ABCA13: variants seen among roughly 807,000 people sequenced by gnomAD.
ABCA13 encodes the protein ATP-binding cassette sub-family A member 13.
Under a neutral mutation model 478.7 loss-of-function variants are expected in ABCA13, and 476 were observed. That is an observed-to-expected ratio of 0.99 (90% CI 0.92 to 1.07). ABCA13 has a LOEUF of 1.07. ABCA13 is among the 50% of genes least tolerant of loss of function. ABCA13 has a pLI of 0.00. For synonymous variants in ABCA13, 2,252 were observed against 2,158.9 expected, an observed-to-expected ratio of 1.04 and a Z score of -1.20; for missense variants, 6,060 against 5,910.6, an observed-to-expected ratio of 1.03 and a Z score of -0.83.
At chr7:48,182,912 TG>T in intron 1 of ABCA13, among the ~76,000 whole-genome samples, 1 of 152,340 alleles carries the variant, frequency 6.6e-6, no homozygotes, top group East Asian at 1.9e-4. Context: ...CATTGGGCTG[TG>T]TTTTCCTGCA....
chr7:48,584,431 T>C (rs1355935293), intron 56 of ABCA13, among the ~76,000 whole-genome samples: 3 of 152,222 alleles, frequency 2.0e-5, no homozygotes, highest in Non-Finnish European at 4.4e-5. Context: ...GTTTGCACGC[T>C]CTCTCCATGG....
At chr7:48,174,336 T>G (rs1794556422) in intron 1 of ABCA13, among the ~76,000 whole-genome samples, 1 of 152,208 alleles carries the variant, frequency 6.6e-6, no homozygotes, top group African/African-American at 2.4e-5. Context: ...TAGATGTACA[T>G]AGTGTCAGCA....
intron 45 of ABCA13, among the ~76,000 whole-genome samples, chr7:48,473,569 A>G (rs777481789): frequency 2.0e-4 from 30 of 152,198 alleles, no homozygotes; most frequent in Non-Finnish European, 3.2e-4. Flanking sequence ...AGAAAAAAGA[A>G]TGAATCAGGA....
chr7:48,245,150 T>A (rs1791477994), intron 11 of ABCA13, among the ~76,000 whole-genome samples: 1 of 152,200 alleles, frequency 6.6e-6, no homozygotes, highest in African/African-American at 2.4e-5. Context: ...CAGAATGCCC[T>A]TCTTTGAACT....
At chr7:48,590,586 A>G (rs928102549) in intron 57 of ABCA13, among the ~76,000 whole-genome samples, 2 of 152,106 alleles carry the variant, frequency 1.3e-5, no homozygotes, top group Non-Finnish European at 2.9e-5. Context: ...ATATGTGTAC[A>G]TTTACATTTC....
intron 58 of ABCA13, among the ~76,000 whole-genome samples, chr7:48,613,390 A>T (rs1373198527): frequency 2.0e-5 from 3 of 151,964 alleles, no homozygotes; most frequent in East Asian, 3.9e-4. Context: ...GGGTTTCATC[A>T]TGTTGGCTAG....
Position 48,273,715 on chromosome 7 carries a change from T to A in ABCA13, c.4049T>A (p.Phe1350Tyr). The change falls in exon 17 of 62, where the codon TTC becomes TAC. Residue 1350 changes from phenylalanine (F) to tyrosine (Y), a missense_variant. Around this residue, in one of 3 missense-constraint regions of ABCA13, gnomAD observed 4,423 missense variants for 4,309.1 expected, o/e 1.03. Coordinates refer to ENST00000435803, the MANE Select transcript of ABCA13 (RefSeq NM_152701.5). ...DRDLFSCADI[F>Y]QNVTECILED... ...GATTTGTTTTCCTGTGCTGATATTT[T>A]CCAAAATGTTACTGAGTGTATTTTA... is the stretch of plus-strand genomic sequence containing the variant. 6.2e-7 allele frequency: 1 copy of A among 1,608,912 alleles called. No individual in the cohort carries two copies. The highest frequency in any genetic ancestry group is 8.5e-7 in the Non-Finnish European group (1 of 1,177,202).
chr7:48,488,295 T>C (rs1045015292), intron 47 of ABCA13, among the ~76,000 whole-genome samples: 1 of 151,892 alleles, frequency 6.6e-6, no homozygotes, highest in African/African-American at 2.4e-5. Context: ...ATTACTTAGC[T>C]GTTTCCACAA....
In ABCA13 at chr7:48,426,331, T is replaced by C. The variant is rs117862578; in HGVS notation, c.12460-1435T>C. 1.4e-4 allele frequency among the ~76,000 whole-genome samples: 22 copies of C among 152,330 alleles called. No individual in the cohort carries two copies. The East Asian group carries it at 3.9e-3, about 27-fold the overall frequency. The stretch of plus-strand genomic sequence containing the variant: ...AACTAATTAACCACGTGCGGAGATA[T>C]TGCATGCCTCTCCTGAAGGCTTGCT... On this transcript the variant is annotated intron_variant, in intron 41 of 61. Coordinates refer to ENST00000435803, the MANE Select transcript of ABCA13 (RefSeq NM_152701.5).
chr7:48,626,288 G>A (rs977280788), intron 59 of ABCA13, among the ~76,000 whole-genome samples: 1 of 152,154 alleles, frequency 6.6e-6, no homozygotes, highest in Admixed American at 6.5e-5. Flanking sequence ...TTTAGGGGAA[G>A]GATTGGCACA....
At chr7:48,571,399 G>T (rs1289990488) in intron 55 of ABCA13, among the ~76,000 whole-genome samples, 1 of 151,984 alleles carries the variant, frequency 6.6e-6, no homozygotes. Context: ...TTTTTGTTGA[G>T]CTGTGAATAT....
At position 48,615,393 on chromosome 7, in the gene ABCA13, C is replaced by T. The variant is rs1473430999; in HGVS notation, c.14837+16C>T. 3.9e-6 allele frequency: 6 copies of T among 1,549,518 alleles called. No individual in the cohort carries two copies. Among genetic ancestry groups the T allele is most frequent in the African/African-American group, 2.7e-5 (2 of 73,250 alleles). The stretch of plus-strand genomic sequence containing the variant: ...TCAAAAATAGGTGCGTTGAAGTTCT[C>T]CTTTTGCTTAGATATTTACTATGAA... On this transcript the variant is annotated intron_variant, in intron 59 of 61. Transcript: ENST00000435803.
intron 31 of ABCA13, among the ~76,000 whole-genome samples, chr7:48,358,388 G>A (rs1455063542): frequency 1.3e-5 from 2 of 151,704 alleles, no homozygotes; most frequent in Non-Finnish European, 2.9e-5. Context: ...TAACAGTGGG[G>A]ACCAGTGTAT....
intron 58 of ABCA13, among the ~76,000 whole-genome samples, chr7:48,610,639 G>A (rs1356144482): frequency 6.6e-6 from 1 of 152,208 alleles, no homozygotes; most frequent in Non-Finnish European, 1.5e-5. Context: ...GCAGACTTCT[G>A]TTTGGACAGC....
intron 55 of ABCA13, among the ~76,000 whole-genome samples, chr7:48,548,537 G>A (rs939127854): frequency 4.8e-5 from 7 of 144,884 alleles, no homozygotes; most frequent in Non-Finnish European, 1.1e-4. Flanking sequence ...AAAAACACCA[G>A]CATGTAACAC....
chr7:48,276,662 A>T, intron 17 of ABCA13, 97 bp downstream of exon 17: 1 of 907,574 alleles, frequency 1.1e-6, no homozygotes, highest in Non-Finnish European at 1.7e-6. Flanking sequence ...CAGTATTTGT[A>T]TCTAATACCT....
rs1301488106 is a variant in ABCA13 at position 48,454,899 on chromosome 7, G to A, written c.12566-138G>A. 3.3e-6 allele frequency: 4 copies of A among 1,226,676 alleles called. No individual in the cohort carries two copies. In the African/African-American group the frequency reaches 6.2e-5, roughly 19 times the overall value. The allele number at this position is 1,226,676 out of a possible 1,614,324, so 76.0% of individuals were successfully genotyped here. ...TAGGTGCATAAAGGGGACACTCAAGGGAGTCCTCATGGGGTGGGCCTGCGT... is the reference window on the plus strand; with the variant it reads ...TAGGTGCATAAAGGGGACACTCAAGAGAGTCCTCATGGGGTGGGCCTGCGT... On this transcript the variant is annotated intron_variant, in intron 42 of 61. Transcript: ENST00000435803.
At chr7:48,200,823 A>T (rs1175068733) in intron 3 of ABCA13, among the ~76,000 whole-genome samples, 2 of 152,100 alleles carry the variant, frequency 1.3e-5, no homozygotes, top group Admixed American at 1.3e-4. Context: ...ATAAATAAAG[A>T]CTCACTCCTG....
At chr7:48,618,982 C>T (rs1792872612) in intron 59 of ABCA13, among the ~76,000 whole-genome samples, 1 of 152,190 alleles carries the variant, frequency 6.6e-6, no homozygotes, top group Admixed American at 6.5e-5. Flanking sequence ...GGTTAATACA[C>T]ACACTCCAGG....
Sources: gnomAD v4.1 joint callset for allele counts (sites outside exome capture counted in the v4.1 genomes callset) on GRCh38, gnomAD v4.1.1 for gene constraint, gnomAD v4.1.1 regional missense constraint, MANE v1.5 for transcripts, NCBI Gene and HGNC (gene_info 2026-07-23, HGNC 2026-07-21) for gene names.